The following TRDN variants were observed in gnomAD, a reference collection of about 807,000 sequenced individuals.
The protein encoded by TRDN is triadin.
A neutral mutation model predicts 149.7 loss-of-function variants in TRDN; 161 were observed. The ratio of observed to expected loss-of-function variants is 1.08; its 90% CI spans 0.95 to 1.23. TRDN has a LOEUF of 1.23. Ranked by LOEUF, TRDN falls within the 50% of genes most tolerant of loss-of-function variation. TRDN has a pLI of 0.00. For synonymous variants in TRDN, 294 were observed against 250.5 expected, an observed-to-expected ratio of 1.17 and a Z score of -1.64; for missense variants, 896 against 823.5, an observed-to-expected ratio of 1.09 and a Z score of -1.08.
At chr6:123,241,098 TTAA>T (rs1775972032) in intron 38 of TRDN, among the ~76,000 whole-genome samples, 2 of 151,882 alleles carry the variant, frequency 1.3e-5, no homozygotes, top group South Asian at 4.1e-4. Context: ...TACTTACTCA[TTAA>T]TAGTAACATT....
At chr6:123,248,478 A>G (rs1776261757) in intron 38 of TRDN, among the ~76,000 whole-genome samples, 1 of 151,982 alleles carries the variant, frequency 6.6e-6, no homozygotes, top group Admixed American at 6.6e-5. Context: ...AATTGCTTGA[A>G]CCCAGGAGGC....
In TRDN at chr6:123,457,603, G is replaced by A. The variant is rs1402552450; in HGVS notation, c.931+7303C>T. 1.4e-5 allele frequency: 6 copies of A among 419,196 alleles called. No individual in the cohort carries two copies. The East Asian group carries it at 3.7e-4, about 26-fold the overall frequency. 26.0% of individuals were successfully genotyped at this position (419,196 alleles called of 1,614,324 possible). A position where few individuals can be genotyped will look rare whatever the true frequency, so the allele number is the denominator to read the frequency against. On this transcript the variant is annotated intron_variant, in intron 10 of 40. Transcript: ENST00000334268. ...GATGCTTTGTCACCTATTTGTTTTT[G>A]TGTTTTTAAGAAAATTTACTCAACA...
At chr6:123,566,780 G>C (rs1782316989) in intron 2 of TRDN, among the ~76,000 whole-genome samples, 1 of 152,080 alleles carries the variant, frequency 6.6e-6, no homozygotes, top group Non-Finnish European at 1.5e-5. Flanking sequence ...AAATATGTGA[G>C]TATAATTTAC....
At chr6:123,265,287 C>T in intron 33 of TRDN, 31 bp downstream of exon 33, 2 of 1,385,806 alleles carry the variant, frequency 1.4e-6, no homozygotes, top group East Asian at 5.4e-5. Flanking sequence ...TGAAATAGGA[C>T]AATTTTAAAA....
intron 19 of TRDN, among the ~76,000 whole-genome samples, chr6:123,367,760 C>A (rs1781169506): frequency 1.3e-5 from 2 of 152,170 alleles, no homozygotes; most frequent in Non-Finnish European, 1.5e-5. Context: ...TTCTGAGAAC[C>A]TGCATTTCTA....
rs112461322 is a variant in TRDN, at chr6:123,486,537, G to A, written c.853+10656C>T. Among the ~76,000 whole-genome samples the A allele has an allele frequency of 6.7e-3, 1,018 of 152,026 alleles. 6 individuals carry two copies. Among genetic ancestry groups the A allele is most frequent in the African/African-American group, 0.024 (991 of 41,504 alleles). On this transcript the variant is annotated intron_variant, in intron 9 of 40. Coordinates refer to ENST00000334268, the MANE Select transcript of TRDN (RefSeq NM_006073.4). The stretch of plus-strand genomic sequence containing the variant: ...ACTTGGCATAATGTTCTGTCTCACA[G>A]AATCACATTTCAAGTTTGTATAAAC...
At chr6:123,279,321 T>A (rs1289651289) in intron 24 of TRDN, among the ~76,000 whole-genome samples, 1 of 152,130 alleles carries the variant, frequency 6.6e-6, no homozygotes, top group Non-Finnish European at 1.5e-5. Flanking sequence ...GGCCATATAG[T>A]CTCTCACAAT....
chr6:123,391,106 G>T (rs1286738821), intron 13 of TRDN, among the ~76,000 whole-genome samples: 2 of 151,866 alleles, frequency 1.3e-5, no homozygotes, highest in Admixed American at 6.6e-5. Context: ...TTTCCAATTT[G>T]GGTCTATATC....
intron 19 of TRDN, among the ~76,000 whole-genome samples, chr6:123,370,198 T>G (rs556028687): frequency 2.6e-5 from 4 of 152,290 alleles, no homozygotes; most frequent in African/African-American, 7.2e-5. Flanking sequence ...CTACTAGCAC[T>G]GCACGCTTCT....
intron 10 of TRDN, chr6:123,456,710 C>T (rs1282051424): frequency 2.3e-6 from 1 of 434,410 alleles, no homozygotes; most frequent in Non-Finnish European, 4.6e-6. Flanking sequence ...CTGAAGCGAT[C>T]CACCCACCTT....
chr6:123,536,463 A>T (rs1307886155), intron 4 of TRDN, among the ~76,000 whole-genome samples: 1 of 152,030 alleles, frequency 6.6e-6, no homozygotes, highest in East Asian at 1.9e-4. Flanking sequence ...AAAATATTTT[A>T]TTTCTAAATA....
At chr6:123,592,065 A>G (rs2114621895) in intron 1 of TRDN, among the ~76,000 whole-genome samples, 1 of 152,312 alleles carries the variant, frequency 6.6e-6, no homozygotes, top group East Asian at 1.9e-4. Flanking sequence ...AGTACTGTGT[A>G]TTGCTTAGTC....
At chr6:123,487,579 A>G (rs933078019) in intron 9 of TRDN, among the ~76,000 whole-genome samples, 44 of 152,050 alleles carry the variant, frequency 2.9e-4, no homozygotes, top group African/African-American at 1.1e-3. Context: ...TGTTCTGCTT[A>G]AAGTCCTTCA....
chr6:123,309,853 A>T (rs1227526022), intron 24 of TRDN, among the ~76,000 whole-genome samples: 1 of 152,048 alleles, frequency 6.6e-6, no homozygotes, highest in Non-Finnish European at 1.5e-5. Context: ...CAAATATATA[A>T]ATCGATTATA....
At chr6:123,332,983 C>G (rs1307891173) in intron 22 of TRDN, among the ~76,000 whole-genome samples, 1 of 151,732 alleles carries the variant, frequency 6.6e-6, no homozygotes, top group Non-Finnish European at 1.5e-5. Flanking sequence ...TTTTTAATGT[C>G]TTTGGTGACA....
intron 12 of TRDN, among the ~76,000 whole-genome samples, chr6:123,402,790 T>A (rs1773034920): frequency 1.3e-5 from 2 of 152,076 alleles, no homozygotes; most frequent in Non-Finnish European, 2.9e-5. Flanking sequence ...GGAAAAAAAA[T>A]AAGCTAGATA....
chr6:123,224,333 G>C (rs1346698959), intron 38 of TRDN, among the ~76,000 whole-genome samples: 1 of 151,738 alleles, frequency 6.6e-6, no homozygotes. Flanking sequence ...AATGATGAGT[G>C]CTGCACTATG....
At chr6:123,415,620 A>G (rs1338293651) in intron 12 of TRDN, among the ~76,000 whole-genome samples, 1 of 152,228 alleles carries the variant, frequency 6.6e-6, no homozygotes, top group Non-Finnish European at 1.5e-5. Context: ...CCAAATAATC[A>G]TAACCACAAA....
At chr6:123,561,750 C>A (rs1782013568) in intron 2 of TRDN, among the ~76,000 whole-genome samples, 1 of 152,052 alleles carries the variant, frequency 6.6e-6, no homozygotes, top group Non-Finnish European at 1.5e-5. Context: ...CACAATATCA[C>A]CCCTTACCAC....
Sources: gnomAD v4.1 joint callset for allele counts (sites outside exome capture counted in the v4.1 genomes callset) on GRCh38, gnomAD v4.1.1 for gene constraint, MANE v1.5 for transcripts, NCBI Gene and HGNC (gene_info 2026-07-23, HGNC 2026-07-21) for gene names.